Variants in CAPZA2 observed in about 807,000 individuals in gnomAD.
The protein encoded by CAPZA2 is capping actin protein of muscle Z-line subunit alpha 2.
A neutral mutation model predicts 44.0 loss-of-function variants in CAPZA2; 13 were observed. The ratio of observed to expected loss-of-function variants is 0.30; its 90% CI spans 0.19 to 0.47. The LOEUF (loss-of-function observed/expected upper bound fraction) is 0.47, where lower values mean the gene tolerates loss of function less well. CAPZA2 is among the 20% of genes least tolerant of loss of function. The probability of loss-of-function intolerance (pLI) is 1.00; values close to 1 mark genes in which losing one functional copy is unlikely to be tolerated. For synonymous variants in CAPZA2, 94 were observed against 108.2 expected, an observed-to-expected ratio of 0.87 and a Z score of 0.81; for missense variants, 244 against 338.6, an observed-to-expected ratio of 0.72 and a Z score of 2.19.
chr7:116,912,242 G>A (rs896501020), intron 8 of CAPZA2, 102 bp downstream of exon 8: 32 of 1,506,474 alleles, frequency 2.1e-5, no homozygotes, highest in Middle Eastern at 2.2e-4. Flanking sequence ...TCAGATTACC[G>A]TGTTTTCTGA....
At chr7:116,884,005 C>T (rs1207878458) in intron 1 of CAPZA2, among the ~76,000 whole-genome samples, 1 of 152,072 alleles carries the variant, frequency 6.6e-6, no homozygotes, top group East Asian at 1.9e-4. Flanking sequence ...GTGATCAAGA[C>T]TTCAGTATAA....
intron 5 of CAPZA2, among the ~76,000 whole-genome samples, chr7:116,905,238 G>C (rs1344897849): frequency 6.6e-6 from 1 of 152,016 alleles, no homozygotes; most frequent in East Asian, 1.9e-4. Flanking sequence ...TACCCTGACA[G>C]GCTTTTTTAG....
At chr7:116,883,116 G>A (rs893147445) in intron 1 of CAPZA2, among the ~76,000 whole-genome samples, 2 of 152,182 alleles carry the variant, frequency 1.3e-5, no homozygotes, top group African/African-American at 2.4e-5. Flanking sequence ...GCCTAGAAAT[G>A]TATCTAATAA....
rs1312402719 is a variant in CAPZA2 at position 116,919,648 on chromosome 7, G to C, written c.*1781G>C. The stretch of plus-strand genomic sequence containing the variant: ...TGGGAGGCCGAGGCGGGTGGATCAC[G>C]GGGTCAGGAGATTGAGACCACCCTG... On this transcript the variant is annotated 3_prime_UTR_variant, in exon 10 of 10. Transcript: ENST00000361183. 6.6e-6 allele frequency: 1 copy of C among 150,426 alleles called. No individual in the cohort carries two copies. The highest frequency in any genetic ancestry group is 1.5e-5 in the Non-Finnish European group (1 of 68,070). 9.3% of individuals were successfully genotyped at this position (150,426 alleles called of 1,614,324 possible). A position where few individuals can be genotyped will look rare whatever the true frequency, so the allele number is the denominator to read the frequency against.
intron 4 of CAPZA2, among the ~76,000 whole-genome samples, chr7:116,900,673 G>A (rs1355348269): frequency 6.6e-6 from 1 of 151,760 alleles, no homozygotes. Flanking sequence ...CTGACACATG[G>A]GATATAATTA....
In CAPZA2 at chr7:116,862,659, C is replaced by T; in HGVS notation, c.39+9C>T. ...TGTCTGATGAAGAGAAGGTAAGAGT[C>T]GCGGGGGCGACGGCGCGGGCTGTCA... On this transcript the variant is annotated intron_variant, in intron 1 of 9. Transcript: ENST00000361183. The T allele has an allele frequency of 6.5e-7, 1 of 1,537,878 alleles. No homozygotes were observed. The highest frequency in any genetic ancestry group is 8.8e-7 in the Non-Finnish European group (1 of 1,141,082).
chr7:116,890,567 TACAC>T (rs1477576843), intron 2 of CAPZA2, among the ~76,000 whole-genome samples: 411 of 14,732 alleles, frequency 0.028, 8 homozygotes, highest in African/African-American at 0.075. Context: ...TATATATATA[TACAC>T]ATATATATAT....
intron 2 of CAPZA2, among the ~76,000 whole-genome samples, chr7:116,890,526 ATATATATATATATATAT>A (rs1796821907): frequency 1.7e-4 from 5 of 28,840 alleles, no homozygotes; most frequent in African/African-American, 5.7e-4. Flanking sequence ...AAAAAAAAAA[ATATATATATATATATAT>A]ATATATATAT....
At chr7:116,900,911 A>C (rs1796986230) in intron 4 of CAPZA2, among the ~76,000 whole-genome samples, 1 of 152,164 alleles carries the variant, frequency 6.6e-6, no homozygotes, top group African/African-American at 2.4e-5. Context: ...ATGAGAAAAA[A>C]GATCACCATC....
At chr7:116,867,316 G>C (rs1796494877) in intron 1 of CAPZA2, among the ~76,000 whole-genome samples, 1 of 152,086 alleles carries the variant, frequency 6.6e-6, no homozygotes, top group African/African-American at 2.4e-5. Flanking sequence ...GCCACTGTTA[G>C]GCTTTTACTA....
chr7:116,884,288 CT>C (rs1796734354), intron 1 of CAPZA2, among the ~76,000 whole-genome samples: 1 of 151,954 alleles, frequency 6.6e-6, no homozygotes, highest in African/African-American at 2.4e-5. Flanking sequence ...TTTTTGATGA[CT>C]TTTAGCACAT....
intron 1 of CAPZA2, chr7:116,874,001 G>C (rs1796587397): frequency 6.5e-6 from 1 of 152,692 alleles, no homozygotes; most frequent in Non-Finnish European, 1.5e-5. Flanking sequence ...CAGCAATGTA[G>C]GTGTAAGATT....
chr7:116,917,229 TC>T (rs1791691638), intron 9 of CAPZA2, among the ~76,000 whole-genome samples: 1 of 152,100 alleles, frequency 6.6e-6, no homozygotes, highest in African/African-American at 2.4e-5. Context: ...ATAGGCTTTT[TC>T]TTCTAGCTGC....
At position 116,921,882 on chromosome 7, in the gene CAPZA2, TAGAA is replaced by T. The variant is rs1226441739; in HGVS notation, c.*4016_*4019del. Reference sequence around the variant, plus strand: ...GTGACATTAAAATCAAGAATTCTGATAGAAGTAAGAGTTCTGGCATGAGTGGTGC... The same window carrying T: ...GTGACATTAAAATCAAGAATTCTGATGTAAGAGTTCTGGCATGAGTGGTGC... On this transcript the variant is annotated 3_prime_UTR_variant, in exon 10 of 10. Transcript: ENST00000361183. The T allele has an allele frequency of 1.3e-5, 2 of 152,172 alleles. No homozygotes were observed. The highest frequency in any genetic ancestry group is 1.5e-5 in the Non-Finnish European group (1 of 68,024). 9.4% of individuals were successfully genotyped at this position (152,172 alleles called of 1,614,324 possible). A position where few individuals can be genotyped will look rare whatever the true frequency, so the allele number is the denominator to read the frequency against.
At chr7:116,900,942 A>G (rs535580148) in intron 4 of CAPZA2, among the ~76,000 whole-genome samples, 180 of 152,308 alleles carry the variant, frequency 1.2e-3, no homozygotes, top group African/African-American at 4.1e-3. Context: ...AGAAAAATGC[A>G]AATCAGAACC....
intron 1 of CAPZA2, among the ~76,000 whole-genome samples, chr7:116,863,371 G>A (rs1194352379): frequency 6.6e-6 from 1 of 152,128 alleles, no homozygotes; most frequent in African/African-American, 2.4e-5. Context: ...CACGTTGGCA[G>A]CAGCCCCCCC....
chr7:116,896,460 G>A (rs765981114), intron 3 of CAPZA2, among the ~76,000 whole-genome samples: 2 of 152,032 alleles, frequency 1.3e-5, no homozygotes, highest in South Asian at 2.1e-4. Flanking sequence ...CAAGTGAAAC[G>A]AAATACAATA....
At chr7:116,910,106 A>C (rs1011353128) in intron 6 of CAPZA2, 127 bp from the exon 7 acceptor site, 15 of 693,594 alleles carry the variant, frequency 2.2e-5, no homozygotes, top group Middle Eastern at 6.1e-4. Context: ...TCAGTGATTA[A>C]AAATTTAATG....
chr7:116,901,680 C>G (rs774950882), intron 4 of CAPZA2, among the ~76,000 whole-genome samples: 12 of 152,056 alleles, frequency 7.9e-5, no homozygotes, highest in Non-Finnish European at 1.5e-4. Context: ...TAGTGATACT[C>G]TTCTTGAAAC....
Sources: allele counts gnomAD v4.1 joint callset (sites outside exome capture counted in the v4.1 genomes callset), GRCh38; gene constraint gnomAD v4.1.1; transcripts MANE v1.5; gene names NCBI Gene and HGNC (gene_info 2026-07-23, HGNC 2026-07-21).